Variants in CADM2 observed in about 807,000 individuals in gnomAD.
CADM2 encodes the protein cell adhesion molecule 2.
A neutral mutation model predicts 49.8 loss-of-function variants in CADM2; 12 were observed. That is an observed-to-expected ratio of 0.24 (90% CI 0.15 to 0.39). CADM2 has a LOEUF of 0.39. Among genes scored for constraint, CADM2 ranks in the 10% least tolerant of loss-of-function variants. The probability of loss-of-function intolerance (pLI) is 1.00; values close to 1 mark genes in which losing one functional copy is unlikely to be tolerated. For synonymous variants in CADM2, 214 were observed against 175.4 expected (o/e 1.22, Z -1.74); for missense variants, 378 against 492.3 (o/e 0.77, Z 2.20).
chr3:85,953,689 CA>C (rs1432140008), intron 7 of CADM2, among the ~76,000 whole-genome samples: 1 of 150,996 alleles, frequency 6.6e-6, no homozygotes, highest in Non-Finnish European at 1.5e-5. Flanking sequence ...TATAATACCA[CA>C]GAGCAGATAT....
intron 1 of CADM2, among the ~76,000 whole-genome samples, chr3:85,043,402 G>A (rs528636464): frequency 1.3e-5 from 2 of 151,932 alleles, no homozygotes; most frequent in African/African-American, 2.4e-5. Context: ...CTGTTAGGCC[G>A]GGTGCAGGGG....
intron 1 of CADM2, among the ~76,000 whole-genome samples, chr3:85,038,288 G>A (rs1179794401): frequency 6.6e-6 from 1 of 152,176 alleles, no homozygotes; most frequent in Non-Finnish European, 1.5e-5. Context: ...GGACACTTAT[G>A]CATACTACAG....
At chr3:84,974,327 GTAATA>G (rs1310396806) in intron 1 of CADM2, among the ~76,000 whole-genome samples, 2 of 151,858 alleles carry the variant, frequency 1.3e-5, no homozygotes, top group Non-Finnish European at 2.9e-5. Context: ...ATTATACACA[GTAATA>G]TAATCCACAG....
intron 3 of CADM2, among the ~76,000 whole-genome samples, chr3:85,880,218 C>A (rs1712539754): frequency 1.3e-5 from 2 of 152,120 alleles, no homozygotes; most frequent in South Asian, 4.1e-4. Context: ...TTTACTATTT[C>A]AAGTATGGAA....
intron 1 of CADM2, among the ~76,000 whole-genome samples, chr3:85,439,183 C>A (rs1408522668): frequency 6.9e-6 from 1 of 144,390 alleles, no homozygotes; most frequent in East Asian, 2.0e-4. Context: ...AACGGAGTTT[C>A]ACTCTTGTTG....
rs180929306 is a variant in CADM2 at position 85,453,303 on chromosome 3, T to C, written c.62-273219T>C. Reference sequence around the variant, plus strand: ...TGTTTCTTTGAAAAAAATTTACACTTCTTTAAATTCCTTTAACATTGGTTT... The same window carrying C: ...TGTTTCTTTGAAAAAAATTTACACTCCTTTAAATTCCTTTAACATTGGTTT... On this transcript the variant is annotated intron_variant, in intron 1 of 9. Transcript: ENST00000383699. Among the ~76,000 whole-genome samples the C allele has an allele frequency of 1.5e-3, 221 of 152,216 alleles. 1 individual carries two copies. The highest frequency in any genetic ancestry group is 4.9e-3 in the African/African-American group (204 of 41,552).
chr3:85,782,285 AT>A (rs1319398232), intron 2 of CADM2, among the ~76,000 whole-genome samples: 1 of 152,092 alleles, frequency 6.6e-6, no homozygotes, highest in Non-Finnish European at 1.5e-5. Flanking sequence ...ATCTCTGTTC[AT>A]TTTTTCTGTA....
At chr3:86,012,993 G>A in intron 8 of CADM2, 2 of 900,858 alleles carry the variant, frequency 2.2e-6, no homozygotes, top group South Asian at 1.3e-5. Context: ...ACAAAAACCT[G>A]ATCAGCTAAA....
In CADM2 at chr3:85,664,854, C is replaced by A. The variant is rs772519458; in HGVS notation, c.62-61668C>A. Among the ~76,000 whole-genome samples, 67 of 152,060 alleles carry A rather than the reference C, an allele frequency of 4.4e-4. 1 individual carries two copies. Among genetic ancestry groups the A allele is most frequent in the Non-Finnish European group, 8.7e-4 (59 of 67,914 alleles). On this transcript the variant is annotated intron_variant, in intron 1 of 9. Transcript: ENST00000383699. ...CTAAAATGGCAGTCACCCCTGCCCC[C>A]CTTATGATATTTTTGTCCTCCTTTT...
intron 1 of CADM2, among the ~76,000 whole-genome samples, chr3:85,261,827 G>C (rs2043019885): frequency 6.6e-6 from 1 of 151,968 alleles, no homozygotes; most frequent in Non-Finnish European, 1.5e-5. Flanking sequence ...ACAAAACAAA[G>C]TCACCTTTTT....
At chr3:85,379,282 C>G (rs572547126) in intron 1 of CADM2, among the ~76,000 whole-genome samples, 4 of 151,882 alleles carry the variant, frequency 2.6e-5, no homozygotes, top group Non-Finnish European at 5.9e-5. Context: ...GTTTTGGATG[C>G]ATCCAAAACT....
intron 1 of CADM2, among the ~76,000 whole-genome samples, chr3:85,497,568 T>C (rs189913069): frequency 6.6e-6 from 1 of 152,168 alleles, no homozygotes; most frequent in Admixed American, 6.5e-5. Flanking sequence ...TTTAAAAAAC[T>C]TGTGAAATTT....
At chr3:85,833,724 T>C (rs757798292) in intron 3 of CADM2, among the ~76,000 whole-genome samples, 4 of 151,670 alleles carry the variant, frequency 2.6e-5, no homozygotes, top group Admixed American at 6.6e-5. Context: ...ATGTCTGTTT[T>C]ATGCCAGCAA....
chr3:85,752,472 G>GCA (rs3044028), intron 2 of CADM2, among the ~76,000 whole-genome samples: 10,353 of 147,542 alleles, frequency 0.07, 501 homozygotes, highest in East Asian at 0.23. Context: ...ATGTGTGCGT[G>GCA]CACACACACA....
rs1260617386 is a variant in CADM2, at chr3:85,883,397, A to G, written c.345A>G (p.Leu115=). The stretch of plus-strand genomic sequence containing the variant: ...ATGAAGGACAGTACACCTGTTCTTT[A>G]TTTACAATGCCTGTCAAAACTTCCA... ...LSDEGQYTCS[L]FTMPVKTSKA... is the part of the protein sequence containing the mutation. The change falls in exon 4 of 10, where the codon TTA becomes TTG. Residue 115 remains leucine (L), a synonymous_variant. Coordinates refer to ENST00000383699, the MANE Select transcript of CADM2 (RefSeq NM_001167675.2). The G allele has an allele frequency of 1.2e-6, 2 of 1,613,770 alleles. No individual in the cohort carries two copies. Among genetic ancestry groups the G allele is most frequent in the Non-Finnish European group, 1.7e-6 (2 of 1,179,808 alleles).
chr3:85,103,850 G>C (rs141573508), intron 1 of CADM2, among the ~76,000 whole-genome samples: 1 of 152,088 alleles, frequency 6.6e-6, no homozygotes, highest in Non-Finnish European at 1.5e-5. Flanking sequence ...ATTGTGTGGC[G>C]GAGGAATGTA....
intron 1 of CADM2, among the ~76,000 whole-genome samples, chr3:85,209,052 A>T (rs1431331075): frequency 6.6e-6 from 1 of 152,196 alleles, no homozygotes; most frequent in African/African-American, 2.4e-5. Flanking sequence ...GAAGACTTTC[A>T]TTCTGGAAAC....
chr3:85,127,699 T>A (rs1474011428), intron 1 of CADM2, among the ~76,000 whole-genome samples: 2 of 152,194 alleles, frequency 1.3e-5, no homozygotes, highest in Non-Finnish European at 2.9e-5. Context: ...ATGCTTACTT[T>A]TAATTTAGGA....
intron 8 of CADM2, among the ~76,000 whole-genome samples, chr3:86,053,679 T>C (rs1439289820): frequency 6.6e-6 from 1 of 152,054 alleles, no homozygotes; most frequent in East Asian, 1.9e-4. Flanking sequence ...CTGGTCTAAT[T>C]CAGCTTGGGT....
Sources: gnomAD v4.1 joint callset for allele counts (sites outside exome capture counted in the v4.1 genomes callset) on GRCh38, gnomAD v4.1.1 for gene constraint, MANE v1.5 for transcripts, NCBI Gene and HGNC (gene_info 2026-07-23, HGNC 2026-07-21) for gene names.